The following GOLGA4 variants were observed in gnomAD, a reference collection of about 807,000 sequenced individuals.
The protein encoded by GOLGA4 is golgin A4.
In GOLGA4, 169 loss-of-function variants were observed where a neutral mutation model predicts 265.9. That is an observed-to-expected ratio of 0.64 (90% CI 0.56 to 0.72). The LOEUF (loss-of-function observed/expected upper bound fraction) is 0.72. Among genes scored for constraint, GOLGA4 ranks in the 30% least tolerant of loss-of-function variants. The pLI, the probability that GOLGA4 is intolerant of heterozygous loss-of-function variation, is 0.00. For missense variants in GOLGA4, 2,482 were observed against 2,483.4 expected, an observed-to-expected ratio of 1.00 and a Z score of 0.01; for synonymous variants, 923 against 855.8, an observed-to-expected ratio of 1.08 and a Z score of -1.37.
At position 37,282,198 on chromosome 3, in the gene GOLGA4, A is replaced by C; in HGVS notation, c.403A>C (p.Asn135His). ...EDLVGNSDSL[N>H]KEQLIQRLRR... ...CTTGGTAGGGAATTCAGACAGTCTC[A>C]ACAAAGAACAGTTGATTCAGCGGTT... The change falls in exon 3 of 24, where the codon AAC becomes CAC. Residue 135 changes from asparagine (N) to histidine (H), a missense_variant. Physicochemically the swap from Asn to His is moderately conservative, Grantham distance 68. Transcript: ENST00000361924. 1 of 1,614,208 alleles carries C rather than the reference A, an allele frequency of 6.2e-7. No individual in the cohort carries two copies. Among genetic ancestry groups the C allele is most frequent in the Non-Finnish European group, 8.5e-7 (1 of 1,180,000 alleles).
In GOLGA4 at chr3:37,326,543, C is replaced by A; in HGVS notation, c.4657C>A (p.Gln1553Lys). ...SLNEVLKNYNQQKDIEHKELV... is the reference protein window; with the variant it reads ...SLNEVLKNYNKQKDIEHKELV... ...AAATGAAGTTCTTAAAAATTACAAT[C>A]AACAAAAGGATATTGAACACAAAGA... The change falls in exon 14 of 24, where the codon CAA becomes AAA. Residue 1553 changes from glutamine to lysine, a missense_variant. Coordinates refer to ENST00000361924, the MANE Select transcript of GOLGA4 (RefSeq NM_002078.5). 2 of 1,608,638 alleles carry A rather than the reference C, an allele frequency of 1.2e-6. No homozygotes were observed. The highest frequency in any genetic ancestry group is 1.1e-5 in the South Asian group (1 of 89,960).
chr3:37,343,312 G>A (rs2097044430), intron 20 of GOLGA4, among the ~76,000 whole-genome samples: 1 of 152,226 alleles, frequency 6.6e-6, no homozygotes. Flanking sequence ...GTAGAGATGG[G>A]GTTTCTCCAT....
chr3:37,361,923 G>A (rs1468491537), intron 23 of GOLGA4, among the ~76,000 whole-genome samples: 1 of 152,208 alleles, frequency 6.6e-6, no homozygotes, highest in Non-Finnish European at 1.5e-5. Context: ...CATATGAAAT[G>A]TTTCAACGCA....
At position 37,298,986 on chromosome 3, in the gene GOLGA4, TG is replaced by T; in HGVS notation, c.970del (p.Asp324MetfsTer7). 6.3e-7 allele frequency: 1 copy of T among 1,596,166 alleles called. No individual in the cohort carries two copies. The highest frequency in any genetic ancestry group is 8.5e-7 in the Non-Finnish European group (1 of 1,175,566). On this transcript the variant is annotated frameshift_variant, in exon 8 of 24. Coordinates refer to ENST00000361924, the MANE Select transcript of GOLGA4 (RefSeq NM_002078.5). LOFTEE classifies it high-confidence loss of function. ...TSEKEALQEQ[L>X]DERLQELEKI... is the part of the protein sequence containing the mutation. ...GAAAAAGAAGCTCTGCAAGAACAAC[TG>T]GATGAAAGACTTCAAGAACTAGAAA...
At position 37,327,720 on chromosome 3, in the gene GOLGA4, A is replaced by G. The variant is rs1190385317; in HGVS notation, c.5834A>G (p.Glu1945Gly). Residue 1945 changes from glutamate (E) to glycine (G), a missense_variant, in exon 14 of 24, where the codon GAG becomes GGG. Physicochemically the swap from Glu to Gly is moderately conservative, Grantham distance 98 (BLOSUM62 -2). Around this residue, in one of 3 missense-constraint regions of GOLGA4, gnomAD observed 942 missense variants for 983.1 expected, o/e 0.96. Coordinates refer to ENST00000361924, the MANE Select transcript of GOLGA4 (RefSeq NM_002078.5). ...CGGGAGAAACAGAAACTGGGCAAGG[A>G]GATTGTTAGATTGCAGAAAGACCTT... Reference protein sequence around the residue: ...AEREKQKLGKEIVRLQKDLRM... With the variant: ...AEREKQKLGKGIVRLQKDLRM... 6.2e-7 allele frequency: 1 copy of G among 1,613,752 alleles called. No homozygotes were observed. The highest frequency in any genetic ancestry group is 1.1e-5 in the South Asian group (1 of 91,060).
chr3:37,299,389 A>G lies in GOLGA4; in HGVS notation c.1086+18A>G, dbSNP rs1175427258. The G allele has an allele frequency of 3.3e-6, 5 of 1,531,676 alleles. No individual in the cohort carries two copies. The highest frequency in any genetic ancestry group is 2.7e-5 in the African/African-American group (2 of 73,048). 94.9% of individuals were successfully genotyped at this position (1,531,676 alleles called of 1,614,324 possible). On this transcript the variant is annotated intron_variant, in intron 9 of 23. Transcript: ENST00000361924. ...AAGATAAGGTAAAACAACAAAACCT[A>G]TGATACTAAAATTTGTCAAGAGGCC...
chr3:37,246,322 A>T (rs966926097), intron 1 of GOLGA4, among the ~76,000 whole-genome samples: 37 of 152,222 alleles, frequency 2.4e-4, no homozygotes, highest in Middle Eastern at 3.4e-3. Flanking sequence ...AAAAAAAAAA[A>T]ATATGTTTTA....
At chr3:37,249,438 G>A (rs183203656) in intron 1 of GOLGA4, among the ~76,000 whole-genome samples, 11 of 151,068 alleles carry the variant, frequency 7.3e-5, no homozygotes, top group East Asian at 1.9e-4. Flanking sequence ...TTTTTGAGAC[G>A]GAGTCTTGCT....
chr3:37,338,152 A>T (rs1182058893), intron 19 of GOLGA4, among the ~76,000 whole-genome samples: 1 of 152,194 alleles, frequency 6.6e-6, no homozygotes, highest in African/African-American at 2.4e-5. Context: ...CCATGTGTGT[A>T]CACCTTCAAG....
At chr3:37,354,961 T>C in intron 21 of GOLGA4, 140 bp from the exon 22 acceptor site, 1 of 572,478 alleles carries the variant, frequency 1.7e-6, no homozygotes, top group South Asian at 2.3e-5. Flanking sequence ...TTTCCTTGAC[T>C]AATACCTTCA....
chr3:37,286,151 T>TG (rs2096848533), intron 4 of GOLGA4, 90 bp downstream of exon 4: 1 of 651,870 alleles, frequency 1.5e-6, no homozygotes, highest in African/African-American at 2.1e-5. Context: ...TTTTTTTTTT[T>TG]TTTTTTTTTT....
chr3:37,316,340 T>G (rs1351957325), intron 11 of GOLGA4, among the ~76,000 whole-genome samples: 1 of 152,158 alleles, frequency 6.6e-6, no homozygotes, highest in Non-Finnish European at 1.5e-5. Flanking sequence ...TAAGATAAAT[T>G]ATAGATCTGA....
intron 2 of GOLGA4, among the ~76,000 whole-genome samples, chr3:37,280,537 GAAATCCA>G (rs1344791649): frequency 6.6e-6 from 1 of 152,138 alleles, no homozygotes; most frequent in Non-Finnish European, 1.5e-5. Flanking sequence ...AAAAAAATCT[GAAATCCA>G]AAATACCTGG....
intron 10 of GOLGA4, among the ~76,000 whole-genome samples, chr3:37,308,408 A>G (rs1380966553): frequency 6.6e-6 from 1 of 151,788 alleles, no homozygotes; most frequent in Non-Finnish European, 1.5e-5. Flanking sequence ...GAAGGCCCTA[A>G]TTTATAGATA....
chr3:37,323,600 T>C lies in GOLGA4; in HGVS notation c.1714T>C (p.Leu572=). ...TTTTAATTAACAGAGAATTCTTGAATTGGAAAGTTCTTTGGAAAAAAGCTT... is the reference window on the plus strand; with the variant it reads ...TTTTAATTAACAGAGAATTCTTGAACTGGAAAGTTCTTTGGAAAAAAGCTT... The part of the protein sequence containing the change: ...AETYRTRILE[L]ESSLEKSLQE... The change falls in exon 14 of 24, where the codon TTG becomes CTG. Residue 572 remains leucine, a synonymous_variant. Transcript: ENST00000361924. 1 of 1,556,628 alleles carries C rather than the reference T, an allele frequency of 6.4e-7. No homozygotes were observed. Among genetic ancestry groups the C allele is most frequent in the Non-Finnish European group, 8.6e-7 (1 of 1,156,268 alleles).
chr3:37,326,450 T>C lies in GOLGA4; in HGVS notation c.4564T>C (p.Ser1522Pro), dbSNP rs1254120186. The stretch of plus-strand genomic sequence containing the variant: ...GTCTAATTTAGAAACAGAGTTAAAG[T>C]CTCAAACAGCAAGAATTATGGAATT... Reference protein sequence around the residue: ...KESNLETELKSQTARIMELED... With the variant: ...KESNLETELKPQTARIMELED... Residue 1522 changes from serine (S) to proline (P), a missense_variant, in exon 14 of 24, where the codon TCT (serine) becomes CCT (proline). By Grantham distance (74) the Ser-to-Pro change is moderately conservative. Transcript: ENST00000361924. The C allele has an allele frequency of 6.2e-7, 1 of 1,611,312 alleles. No individual in the cohort carries two copies. Among genetic ancestry groups the C allele is most frequent in the Non-Finnish European group, 8.5e-7 (1 of 1,178,502 alleles).
At chr3:37,251,641 T>TC (rs1477903821) in intron 2 of GOLGA4, among the ~76,000 whole-genome samples, 157 bp downstream of exon 2, 12 of 144,902 alleles carry the variant, frequency 8.3e-5, no homozygotes, top group African/African-American at 1.5e-4. Flanking sequence ...TTTTTTTTTT[T>TC]CACAAATAGC....
chr3:37,337,110 A>T, intron 17 of GOLGA4, 33 bp from the exon 18 acceptor site: 1 of 1,288,808 alleles, frequency 7.8e-7, no homozygotes, highest in African/African-American at 1.5e-5. Context: ...CTATTATTGT[A>T]TACACTCATG....
rs763290198 is a variant in GOLGA4, at chr3:37,326,822, C to T, written c.4936C>T (p.Gln1646Ter). 6.2e-7 allele frequency: 1 copy of T among 1,613,270 alleles called. No homozygotes were observed. The highest frequency in any genetic ancestry group is 1.1e-5 in the South Asian group (1 of 90,962). ...AGCAGAGTTGAAGAGAAAAGCTGAA[C>T]AAAAAATTGCTGCCATTAAGAAGCA... ...KLAELKRKAE[Q>*]KIAAIKKQLL... The change falls in exon 14 of 24, where the codon CAA (glutamine) becomes TAA (stop). Residue 1646 changes from glutamine (Q) to a stop codon, truncating the protein, a stop_gained. Transcript: ENST00000361924. LOFTEE classifies it high-confidence loss of function.
Sources: allele counts gnomAD v4.1 joint callset (sites outside exome capture counted in the v4.1 genomes callset), GRCh38; gene constraint gnomAD v4.1.1; regional missense constraint gnomAD v4.1.1; transcripts MANE v1.5; gene names NCBI Gene and HGNC (gene_info 2026-07-23, HGNC 2026-07-21).